Variants in SLC10A7 observed in about 807,000 individuals in gnomAD.
The protein encoded by SLC10A7 is sodium/bile acid cotransporter 7.
A neutral mutation model predicts 43.2 loss-of-function variants in SLC10A7; 29 were observed. That is an observed-to-expected ratio of 0.67 (90% CI 0.50 to 0.92). The LOEUF (loss-of-function observed/expected upper bound fraction) is 0.92, where lower values mean the gene tolerates loss of function less well. SLC10A7 is among the 40% of genes least tolerant of loss of function. SLC10A7 has a pLI of 0.00. For synonymous variants in SLC10A7, 152 were observed against 144.8 expected (o/e 1.05, Z -0.35); for missense variants, 295 against 403.2 (o/e 0.73, Z 2.30).
intron 10 of SLC10A7, among the ~76,000 whole-genome samples, chr4:146,275,952 T>A (rs1729178581): frequency 6.6e-6 from 1 of 152,050 alleles, no homozygotes; most frequent in African/African-American, 2.4e-5. Flanking sequence ...CAGAATTTGG[T>A]GATCTTCCAG....
chr4:146,515,859 G>A (rs1373904345), intron 2 of SLC10A7, among the ~76,000 whole-genome samples: 1 of 136,728 alleles, frequency 7.3e-6, no homozygotes, highest in Non-Finnish European at 1.5e-5. Flanking sequence ...GCAGTGAGCC[G>A]TGATCACGCT....
At chr4:146,333,979 G>A (rs748209139) in intron 5 of SLC10A7, among the ~76,000 whole-genome samples, 2 of 152,258 alleles carry the variant, frequency 1.3e-5, no homozygotes, top group East Asian at 1.9e-4. Context: ...GATTCAAAAC[G>A]TATTTGAAAA....
chr4:146,350,976 TCTC>T (rs963158104), intron 5 of SLC10A7, among the ~76,000 whole-genome samples: 2 of 149,784 alleles, frequency 1.3e-5, no homozygotes, highest in African/African-American at 2.5e-5. Context: ...GCAGAGCGCC[TCTC>T]CTCCTTCAAA....
intron 10 of SLC10A7, among the ~76,000 whole-genome samples, chr4:146,266,558 A>AT (rs1300963498): frequency 6.6e-6 from 1 of 152,302 alleles, no homozygotes; most frequent in Non-Finnish European, 1.5e-5. Context: ...GCAATTATAC[A>AT]TTTTTTAGAG....
chr4:146,345,358 T>C (rs931011831), intron 5 of SLC10A7, among the ~76,000 whole-genome samples: 13 of 152,172 alleles, frequency 8.5e-5, no homozygotes, highest in Non-Finnish European at 1.9e-4. Flanking sequence ...CACATTGAAA[T>C]GCAATCCTTC....
At chr4:146,303,510 T>A (rs13103103) in intron 7 of SLC10A7, among the ~76,000 whole-genome samples, 8,000 of 151,602 alleles carry the variant, frequency 0.053, 301 homozygotes, top group Non-Finnish European at 0.085. Context: ...CCTGAGTAAC[T>A]GGGACCACCG....
At chr4:146,357,940 C>T (rs953021026) in intron 5 of SLC10A7, among the ~76,000 whole-genome samples, 10 of 152,062 alleles carry the variant, frequency 6.6e-5, no homozygotes, top group African/African-American at 1.9e-4. Context: ...GACAGAACTC[C>T]CATTAGAGAG....
intron 5 of SLC10A7, among the ~76,000 whole-genome samples, chr4:146,394,751 T>C (rs565234565): frequency 5.3e-5 from 8 of 152,202 alleles, no homozygotes; most frequent in Middle Eastern, 3.4e-3. Flanking sequence ...ATGAACCACA[T>C]AAACAAATGA....
Position 146,263,922 on chromosome 4 carries a change from AC to A in SLC10A7, c.848-5086del, listed in dbSNP as rs1300388369. ...TACACTGTGTGGATAGATAAAGAGC[AC>A]TTTCTCAGCACATTACTACCTGATC... On this transcript the variant is annotated intron_variant, in intron 10 of 11. Transcript: ENST00000335472. 5.3e-5 allele frequency among the ~76,000 whole-genome samples: 8 copies of A among 152,378 alleles called. No individual in the cohort carries two copies. In the East Asian group the frequency reaches 1.5e-3, roughly 29 times the overall value.
At chr4:146,516,834 G>C (rs1289070587) in intron 2 of SLC10A7, among the ~76,000 whole-genome samples, 1 of 151,956 alleles carries the variant, frequency 6.6e-6, no homozygotes, top group Non-Finnish European at 1.5e-5. Flanking sequence ...ACATCCTCAG[G>C]GCCCATGCTG....
At chr4:146,363,665 C>T (rs1374928609) in intron 5 of SLC10A7, among the ~76,000 whole-genome samples, 1 of 151,964 alleles carries the variant, frequency 6.6e-6, no homozygotes, top group East Asian at 1.9e-4. Context: ...TTTCTGACCA[C>T]AATGGAATAA....
intron 5 of SLC10A7, among the ~76,000 whole-genome samples, chr4:146,417,924 C>T (rs145171899): frequency 6.6e-6 from 1 of 152,132 alleles, no homozygotes; most frequent in African/African-American, 2.4e-5. Flanking sequence ...AGGTTTGCAG[C>T]CAGCATGCTT....
At chr4:146,390,650 A>G (rs918452825) in intron 5 of SLC10A7, among the ~76,000 whole-genome samples, 1 of 152,156 alleles carries the variant, frequency 6.6e-6, no homozygotes, top group Non-Finnish European at 1.5e-5. Flanking sequence ...AAAATGAAAT[A>G]AAATAATAAT....
rs193296818 is a variant in SLC10A7, at chr4:146,332,981, C to T, written c.436-6985G>A. 2.1e-3 allele frequency among the ~76,000 whole-genome samples: 313 copies of T among 152,230 alleles called. 1 individual carries two copies. The highest frequency in any genetic ancestry group is 3.4e-3 in the Non-Finnish European group (229 of 68,012). On this transcript the variant is annotated intron_variant, in intron 5 of 11. Transcript: ENST00000335472. ...AGGAATGGCAGCTGGCTTGTCCTAACGACATTACATTTAATTAAGCAAACA... is the reference window on the plus strand; with the variant it reads ...AGGAATGGCAGCTGGCTTGTCCTAATGACATTACATTTAATTAAGCAAACA...
At chr4:146,276,321 G>A (rs1729203429) in intron 10 of SLC10A7, among the ~76,000 whole-genome samples, 1 of 152,140 alleles carries the variant, frequency 6.6e-6, no homozygotes, top group Admixed American at 6.5e-5. Flanking sequence ...GAACACTACA[G>A]TGAAAATTTT....
At chr4:146,375,274 G>C (rs1737107560) in intron 5 of SLC10A7, among the ~76,000 whole-genome samples, 1 of 152,052 alleles carries the variant, frequency 6.6e-6, no homozygotes, top group African/African-American at 2.4e-5. Flanking sequence ...GAATAGACAG[G>C]AGCTTAATAA....
At chr4:146,313,688 G>A (rs1732133068) in intron 6 of SLC10A7, among the ~76,000 whole-genome samples, 1 of 152,102 alleles carries the variant, frequency 6.6e-6, no homozygotes, top group Non-Finnish European at 1.5e-5. Flanking sequence ...ATCAAAAGTT[G>A]AAGAATTTTC....
chr4:146,322,364 T>TCCCCCCCCCCC (rs34494809), intron 6 of SLC10A7, among the ~76,000 whole-genome samples: 2 of 102,614 alleles, frequency 1.9e-5, no homozygotes, highest in Admixed American at 1.2e-4. Flanking sequence ...ATGCTATCCC[T>TCCCCCCCCCCC]CCCCCCTCCC....
chr4:146,266,227 G>C (rs1421282744), intron 10 of SLC10A7, among the ~76,000 whole-genome samples: 2 of 152,134 alleles, frequency 1.3e-5, no homozygotes, highest in Admixed American at 1.3e-4. Flanking sequence ...ACTGTTATTT[G>C]AATTCTATTT....
Sources: gnomAD v4.1 joint callset for allele counts (sites outside exome capture counted in the v4.1 genomes callset) on GRCh38, gnomAD v4.1.1 for gene constraint, MANE v1.5 for transcripts, NCBI Gene and HGNC (gene_info 2026-07-23, HGNC 2026-07-21) for gene names.